CAMK1D: variants seen among roughly 807,000 people sequenced by gnomAD.
CAMK1D encodes calcium/calmodulin dependent protein kinase ID.
A neutral mutation model predicts 47.7 loss-of-function variants in CAMK1D; 9 were observed. The ratio of observed to expected loss-of-function variants is 0.19; its 90% CI spans 0.11 to 0.33. The LOEUF is 0.33. Ranked by LOEUF, CAMK1D falls within the 10% of genes least tolerant of loss-of-function variation. CAMK1D has a pLI of 1.00. For synonymous variants in CAMK1D, 184 were observed against 184.9 expected (o/e 0.99, Z 0.04); for missense variants, 291 against 488.7 (o/e 0.60, Z 3.81).
intron 2 of CAMK1D, among the ~76,000 whole-genome samples, chr10:12,572,497 A>G (rs1020323147): frequency 2.0e-5 from 3 of 152,174 alleles, no homozygotes; most frequent in African/African-American, 7.2e-5. Flanking sequence ...ATGAGGGATG[A>G]TTCCTGTGGT....
chr10:12,522,874 ACCCCCCACCTCCCTCCCGGACGGGGCG>A (rs1835475270), intron 1 of CAMK1D, among the ~76,000 whole-genome samples: 1 of 69,802 alleles, frequency 1.4e-5, no homozygotes, highest in African/African-American at 6.4e-5. Flanking sequence ...GCGGGGGCTG[ACCCCCCACCTCCCTCCCGGACGGGGCG>A]GCTGGCCGGG....
intron 3 of CAMK1D, among the ~76,000 whole-genome samples, chr10:12,697,339 T>A (rs768624804): frequency 4.6e-5 from 7 of 152,212 alleles, no homozygotes; most frequent in Non-Finnish European, 5.9e-5. Flanking sequence ...GCAACAAAGA[T>A]GGAGAATAGG....
Position 12,830,950 on chromosome 10 carries a change from C to CACACAA in CAMK1D, c.*2068_*2069insAACACA, listed in dbSNP as rs1403824449. On this transcript the variant is annotated 3_prime_UTR_variant, in exon 11 of 11. Transcript: ENST00000619168. The stretch of plus-strand genomic sequence containing the variant: ...AAACACACACACACACACACACACA[C>CACACAA]ACACACACACACACAATGTTATTAG... The CACACAA allele has an allele frequency of 2.0e-5, 3 of 150,140 alleles. No homozygotes were observed. The highest frequency in any genetic ancestry group is 4.3e-5 in the Non-Finnish European group (3 of 70,156). 9.3% of individuals were successfully genotyped at this position (150,140 alleles called of 1,614,324 possible).
intron 1 of CAMK1D, among the ~76,000 whole-genome samples, chr10:12,463,401 G>A (rs140010346): frequency 0.012 from 1,861 of 152,236 alleles, 17 homozygotes; most frequent in Non-Finnish European, 0.017. Context: ...GCCTCCCAAA[G>A]TGTTGGGATT....
chr10:12,804,395 C>G (rs1191930263), intron 6 of CAMK1D, among the ~76,000 whole-genome samples: 1 of 152,022 alleles, frequency 6.6e-6, no homozygotes, highest in Non-Finnish European at 1.5e-5. Flanking sequence ...GGGCGGATTA[C>G]CTGAGGTCAG....
At chr10:12,427,312 G>A (rs1377300311) in intron 1 of CAMK1D, among the ~76,000 whole-genome samples, 23 of 152,226 alleles carry the variant, frequency 1.5e-4, no homozygotes, top group Non-Finnish European at 1.5e-5. Context: ...GGAGGACCTC[G>A]GAGAGTCCTG....
chr10:12,389,887 A>C (rs1311470873), intron 1 of CAMK1D, among the ~76,000 whole-genome samples: 1 of 151,918 alleles, frequency 6.6e-6, no homozygotes, highest in Non-Finnish European at 1.5e-5. Flanking sequence ...GGAAGGGATG[A>C]ATTCATCATA....
intron 2 of CAMK1D, among the ~76,000 whole-genome samples, chr10:12,584,433 C>T (rs1194217419): frequency 6.6e-6 from 1 of 152,212 alleles, no homozygotes; most frequent in Non-Finnish European, 1.5e-5. Context: ...ACACATATTT[C>T]TGTTGCTGTG....
intron 3 of CAMK1D, among the ~76,000 whole-genome samples, chr10:12,693,596 C>T (rs1257610256): frequency 4.0e-5 from 6 of 151,840 alleles, no homozygotes; most frequent in Non-Finnish European, 5.9e-5. Context: ...TGTACCACTG[C>T]ACTCCAAGCA....
intron 5 of CAMK1D, among the ~76,000 whole-genome samples, chr10:12,772,036 GAAAA>G (rs35859252): frequency 1.4e-5 from 2 of 145,440 alleles, no homozygotes; most frequent in Admixed American, 6.9e-5. Context: ...GCTATCTCAG[GAAAA>G]AAAAAAAAAG....
At chr10:12,466,629 T>G (rs946693179) in intron 1 of CAMK1D, among the ~76,000 whole-genome samples, 17 of 150,858 alleles carry the variant, frequency 1.1e-4, no homozygotes, top group African/African-American at 3.2e-4. Context: ...TAGGTTTTCC[T>G]AGGGGGAGGT....
chr10:12,666,215 GT>G (rs375321423), intron 2 of CAMK1D, among the ~76,000 whole-genome samples: 7 of 149,002 alleles, frequency 4.7e-5, no homozygotes, highest in East Asian at 2.0e-4. Context: ...AGTCAGGTTG[GT>G]TTTTTTTTTC....
At chr10:12,434,050 A>C in intron 1 of CAMK1D, among the ~76,000 whole-genome samples, 1 of 152,266 alleles carries the variant, frequency 6.6e-6, no homozygotes, top group East Asian at 1.9e-4. Context: ...ACCTCACTGC[A>C]GCCTTGAACT....
In CAMK1D at chr10:12,618,855, C is replaced by T. The variant is rs541755501; in HGVS notation, c.225-47881C>T. Among the ~76,000 whole-genome samples the T allele has an allele frequency of 6.0e-4, 91 of 152,300 alleles. 1 individual carries two copies. Among genetic ancestry groups the T allele is most frequent in the African/African-American group, 2.1e-3 (86 of 41,566 alleles). ...ATCAGTGACATATATCTTCTTAATACGCATAACCCTGTGAAGGTATATTAT... is the reference window on the plus strand; with the variant it reads ...ATCAGTGACATATATCTTCTTAATATGCATAACCCTGTGAAGGTATATTAT... On this transcript the variant is annotated intron_variant, in intron 2 of 10. Transcript: ENST00000619168.
rs193223580 is a variant in CAMK1D at position 12,436,783 on chromosome 10, G to A, written c.92+86873G>A. Among the ~76,000 whole-genome samples, 18 of 152,280 alleles carry A rather than the reference G, an allele frequency of 1.2e-4. No homozygotes were observed. In the East Asian group the frequency reaches 2.7e-3, roughly 23 times the overall value. ...TGACAGGATCTATGGTATTTTTAGAGCTTAGGTGATCAGTCACAATACACG... is the reference window on the plus strand; with the variant it reads ...TGACAGGATCTATGGTATTTTTAGAACTTAGGTGATCAGTCACAATACACG... On this transcript the variant is annotated intron_variant, in intron 1 of 10. Coordinates refer to ENST00000619168, the MANE Select transcript of CAMK1D (RefSeq NM_153498.4).
chr10:12,594,446 A>T (rs1226446565), intron 2 of CAMK1D, among the ~76,000 whole-genome samples: 1 of 152,076 alleles, frequency 6.6e-6, no homozygotes, highest in Non-Finnish European at 1.5e-5. Flanking sequence ...GGTTAATTTC[A>T]CTTGTATTTT....
At chr10:12,780,283 A>G (rs1837438465) in intron 5 of CAMK1D, among the ~76,000 whole-genome samples, 1 of 152,126 alleles carries the variant, frequency 6.6e-6, no homozygotes, top group African/African-American at 2.4e-5. Flanking sequence ...ACTTGAATGT[A>G]AGCGTCCTCC....
At chr10:12,420,036 T>A (rs372500443) in intron 1 of CAMK1D, among the ~76,000 whole-genome samples, 5 of 152,150 alleles carry the variant, frequency 3.3e-5, no homozygotes, top group East Asian at 1.9e-4. Flanking sequence ...CTCGGCTCAC[T>A]GCAAGCTCCG....
chr10:12,735,937 T>C (rs1442903310), intron 3 of CAMK1D, among the ~76,000 whole-genome samples: 2 of 152,214 alleles, frequency 1.3e-5, no homozygotes, highest in African/African-American at 4.8e-5. Context: ...AATTCCACTG[T>C]AGGCACATGG....
Sources: gnomAD v4.1 joint callset for allele counts (sites outside exome capture counted in the v4.1 genomes callset) on GRCh38, gnomAD v4.1.1 for gene constraint, MANE v1.5 for transcripts, NCBI Gene and HGNC (gene_info 2026-07-23, HGNC 2026-07-21) for gene names.